HJURP: variants seen among roughly 807,000 people sequenced by gnomAD.
HJURP encodes the protein Holliday junction recognition protein.
Under a neutral mutation model 72.0 loss-of-function variants are expected in HJURP, and 49 were observed. The ratio of observed to expected loss-of-function variants is 0.68; its 90% CI spans 0.54 to 0.86. The LOEUF is 0.86. Among genes scored for constraint, HJURP ranks in the 40% least tolerant of loss-of-function variants. The pLI is 0.00. For missense variants in HJURP, 908 were observed against 936.3 expected (o/e 0.97, Z 0.39); for synonymous variants, 357 against 347.1 (o/e 1.03, Z -0.32).
rs534033020 is a variant in HJURP at position 233,837,320 on chromosome 2, C to G, written c.*257G>C. ...AACAAACAAACAAACAAACAAATAA[C>G]CCCCCCCCAAAAAAAACACACACAT... On this transcript the variant is annotated 3_prime_UTR_variant, in exon 9 of 9. Coordinates refer to ENST00000411486, the MANE Select transcript of HJURP (RefSeq NM_018410.5). The G allele has an allele frequency of 7.3e-6, 2 of 275,306 alleles. No individual in the cohort carries two copies. Among genetic ancestry groups the G allele is most frequent in the Admixed American group, 5.7e-5 (1 of 17,470 alleles). The allele number at this position is 275,306 out of a possible 1,614,324, so 17.1% of individuals were successfully genotyped here.
intron 4 of HJURP, among the ~76,000 whole-genome samples, chr2:233,849,171 T>A (rs1001607898): frequency 6.6e-5 from 10 of 152,076 alleles, no homozygotes; most frequent in Non-Finnish European, 1.5e-4. Flanking sequence ...GTTATTTCAC[T>A]CTGGTGGTAA....
intron 8 of HJURP, among the ~76,000 whole-genome samples, chr2:233,840,326 C>T (rs1269294848): frequency 1.3e-5 from 2 of 152,240 alleles, no homozygotes; most frequent in Middle Eastern, 3.4e-3. Context: ...TGAGGATTTG[C>T]AGGAAAAAAG....
chr2:233,847,605 C>T (rs908529123), intron 4 of HJURP, 144 bp from the exon 5 acceptor site: 20 of 705,482 alleles, frequency 2.8e-5, no homozygotes, highest in South Asian at 4.9e-5. Context: ...GAGCCATCTA[C>T]GGCTGCCCGT....
At chr2:233,844,335 G>A in intron 6 of HJURP, 52 bp from the exon 7 acceptor site, 1 of 1,390,788 alleles carries the variant, frequency 7.2e-7, no homozygotes, top group Non-Finnish European at 1.0e-6. Flanking sequence ...TGTCAACTGG[G>A]TGCAAGGAGC....
At chr2:233,850,000 A>C (rs1705462318) in intron 3 of HJURP, 141 bp from the exon 4 acceptor site, 1 of 625,166 alleles carries the variant, frequency 1.6e-6, no homozygotes, top group Non-Finnish European at 2.9e-6. Flanking sequence ...TTCTCCCTGC[A>C]TGTCCACTTT....
chr2:233,845,934 T>C, intron 5 of HJURP, 114 bp from the exon 6 acceptor site: 1 of 674,000 alleles, frequency 1.5e-6, no homozygotes, highest in Non-Finnish European at 2.6e-6. Context: ...ATGATCCTAC[T>C]CAAAGTCACT....
rs1345573000 is a variant in HJURP, at chr2:233,841,010, C to T, written c.1770G>A (p.Lys590=). The T allele has an allele frequency of 1.2e-6, 2 of 1,614,064 alleles. No homozygotes were observed. Among genetic ancestry groups the T allele is most frequent in the Non-Finnish European group, 1.7e-6 (2 of 1,180,040 alleles). The part of the protein sequence containing the change: ...IKEEFDKLHQ[K]YCLKSPGQMT... Reference sequence around the variant, plus strand: ...TCTGCCCAGGAGATTTGAGGCAATACTTTTGATGAAGCTTGTCAAATTCTT... The same window carrying T: ...TCTGCCCAGGAGATTTGAGGCAATATTTTTGATGAAGCTTGTCAAATTCTT... The change falls in exon 8 of 9, where the codon AAG becomes AAA. Residue 590 remains lysine, a synonymous_variant. Transcript: ENST00000411486.
At chr2:233,840,399 G>C (rs1324281522) in intron 8 of HJURP, among the ~76,000 whole-genome samples, 1 of 152,198 alleles carries the variant, frequency 6.6e-6, no homozygotes, top group Non-Finnish European at 1.5e-5. Context: ...GCTTTACCTC[G>C]ATGCATCTTA....
intron 2 of HJURP, among the ~76,000 whole-genome samples, chr2:233,853,063 T>C (rs992711556): frequency 1.5e-4 from 23 of 152,342 alleles, no homozygotes; most frequent in African/African-American, 5.5e-4. Context: ...CTGGAATATT[T>C]TAGTTTCTGC....
rs1210224752 is a variant in HJURP at position 233,851,229 on chromosome 2, T to C, written c.240+1336A>G. 2.0e-5 allele frequency among the ~76,000 whole-genome samples: 3 copies of C among 152,246 alleles called. No homozygotes were observed. In the East Asian group the frequency reaches 5.8e-4, roughly 29 times the overall value. On this transcript the variant is annotated intron_variant, in intron 3 of 8. Coordinates refer to ENST00000411486, the MANE Select transcript of HJURP (RefSeq NM_018410.5). ...CATAATTCAAAGAGTATATATACTT[T>C]AACCCGATAATCCCACTTCTCAGCA...
chr2:233,848,805 G>A (rs1040524763), intron 4 of HJURP, among the ~76,000 whole-genome samples: 4 of 152,190 alleles, frequency 2.6e-5, no homozygotes, highest in Non-Finnish European at 5.9e-5. Context: ...GGCTCCACCT[G>A]GGGGAAGGGC....
intron 3 of HJURP, among the ~76,000 whole-genome samples, chr2:233,851,443 G>C (rs522389): frequency 0.19 from 29,650 of 152,076 alleles, 3,182 homozygotes; most frequent in African/African-American, 0.28. Context: ...AGAGACCATA[G>C]AGCCAGCAAA....
chr2:233,843,133 CA>C (rs1257004835), intron 7 of HJURP, among the ~76,000 whole-genome samples: 1 of 151,396 alleles, frequency 6.6e-6, no homozygotes, highest in Admixed American at 6.6e-5. Context: ...CTACAGGAAG[CA>C]AAAAAAAGAA....
rs1705221879 is a variant in HJURP, at chr2:233,841,336, T to A, written c.1444A>T (p.Thr482Ser). 5 of 1,613,998 alleles carry A rather than the reference T, an allele frequency of 3.1e-6. No homozygotes were observed. Among genetic ancestry groups the A allele is most frequent in the Non-Finnish European group, 4.2e-6 (5 of 1,180,010 alleles). ...CTGGAAGGTAAACTCAGCCTGCGGGTTTCTAAGCCCTGAAGGCCACCAGGA... is the reference window on the plus strand; with the variant it reads ...CTGGAAGGTAAACTCAGCCTGCGGGATTCTAAGCCCTGAAGGCCACCAGGA... ...ASPGGLQGLE[T>S]RRLSLPSSKA... Residue 482 changes from threonine to serine, a missense_variant, in exon 8 of 9, where the codon ACC becomes TCC. Coordinates refer to ENST00000411486, the MANE Select transcript of HJURP (RefSeq NM_018410.5).
rs2286432 is a variant in HJURP, at chr2:233,847,338, T to C, written c.402+59A>G. ...CCGCCTCAGGCCACATGGGCTTTGA[T>C]GGACCCCTGAGCCCCCAAGCGCCCC... On this transcript the variant is annotated intron_variant, in intron 5 of 8. Transcript: ENST00000411486. The C allele has an allele frequency of 1.3e-3, 1,723 of 1,342,702 alleles. 36 individuals carry two copies. The East Asian group carries it at 0.033, about 26-fold the overall frequency. The allele number at this position is 1,342,702 out of a possible 1,614,324, so 83.2% of individuals were successfully genotyped here.
At chr2:233,844,041 C>G (rs1705295499) in intron 7 of HJURP, among the ~76,000 whole-genome samples, 164 bp downstream of exon 7, 1 of 152,160 alleles carries the variant, frequency 6.6e-6, no homozygotes, top group Admixed American at 6.5e-5. Context: ...TTTGAAACAT[C>G]TTAATCTTCC....
Position 233,850,714 on chromosome 2 carries a change from G to GAA in HJURP, c.241-857_241-856dup, listed in dbSNP as rs550955515. Reference sequence around the variant, plus strand: ...GAATATCAGAACCTTTGCTTCCAGTGAAACCGTCACGTAAGGTGGAGTTTA... The same window carrying GAA: ...GAATATCAGAACCTTTGCTTCCAGTGAAAAACCGTCACGTAAGGTGGAGTTTA... On this transcript the variant is annotated intron_variant, in intron 3 of 8. Coordinates refer to ENST00000411486, the MANE Select transcript of HJURP (RefSeq NM_018410.5). Among the ~76,000 whole-genome samples, 667 of 152,256 alleles carry GAA rather than the reference G, an allele frequency of 4.4e-3. 4 individuals are homozygous for GAA. Among genetic ancestry groups the GAA allele is most frequent in the Non-Finnish European group, 7.5e-3 (508 of 68,020 alleles).
intron 3 of HJURP, among the ~76,000 whole-genome samples, chr2:233,851,728 C>T (rs912489346): frequency 2.0e-5 from 3 of 152,004 alleles, no homozygotes; most frequent in African/African-American, 4.8e-5. Context: ...CATTAGTGAC[C>T]ATCTTTGCAG....
At chr2:233,844,010 G>A (rs28900709) in intron 7 of HJURP, among the ~76,000 whole-genome samples, 195 bp downstream of exon 7, 2,891 of 152,320 alleles carry the variant, frequency 0.019, 92 homozygotes, top group African/African-American at 0.066. Context: ...AAGAGCAGAC[G>A]TGGAGGAGAA....
Sources: allele counts gnomAD v4.1 joint callset (sites outside exome capture counted in the v4.1 genomes callset), GRCh38; gene constraint gnomAD v4.1.1; transcripts MANE v1.5; gene names NCBI Gene and HGNC (gene_info 2026-07-23, HGNC 2026-07-21).